STK32B: variants seen among roughly 807,000 people sequenced by gnomAD.
STK32B encodes the protein serine/threonine-protein kinase 32B.
A neutral mutation model predicts 52.6 loss-of-function variants in STK32B; 43 were observed. That is an observed-to-expected ratio of 0.82 (90% CI 0.64 to 1.05). The LOEUF (loss-of-function observed/expected upper bound fraction) is 1.05. STK32B is among the 50% of genes least tolerant of loss of function. The probability of loss-of-function intolerance (pLI) is 0.00; values close to 1 mark genes in which losing one functional copy is unlikely to be tolerated. For synonymous variants in STK32B, 238 were observed against 204.3 expected (o/e 1.17, Z -1.41); for missense variants, 621 against 534.6 (o/e 1.16, Z -1.59).
At chr4:5,179,772 G>A (rs915991898) in intron 3 of STK32B, among the ~76,000 whole-genome samples, 1 of 152,214 alleles carries the variant, frequency 6.6e-6, no homozygotes, top group African/African-American at 2.4e-5. Flanking sequence ...AAGGGAATTG[G>A]CTTTTATAAC....
chr4:5,341,783 T>C (rs551851123), intron 4 of STK32B, among the ~76,000 whole-genome samples: 1 of 151,978 alleles, frequency 6.6e-6, no homozygotes, highest in African/African-American at 2.4e-5. Context: ...TGGTGGAAGG[T>C]AAAGGGGGAG....
At chr4:5,414,279 G>A (rs1181373099) in intron 5 of STK32B, among the ~76,000 whole-genome samples, 1 of 151,644 alleles carries the variant, frequency 6.6e-6, no homozygotes, top group Non-Finnish European at 1.5e-5. Flanking sequence ...AAAATAACGT[G>A]TTTAACACAA....
At position 5,317,236 on chromosome 4, in the gene STK32B, T is replaced by TATATAATATATAACATATAACATATAAC. The variant is rs1560313387; in HGVS notation, c.261-13979_261-13978insATATATAACATATAACATATAACATATA. Among the ~76,000 whole-genome samples the TATATAATATATAACATATAACATATAAC allele has an allele frequency of 1.6e-3, 91 of 56,630 alleles. 14 individuals are homozygous for TATATAATATATAACATATAACATATAAC. The highest frequency in any genetic ancestry group is 0.016 in the South Asian group (24 of 1,514). The allele number at this position is 56,630 out of a possible 152,430, so 37.2% of individuals were successfully genotyped here. On this transcript the variant is annotated intron_variant, in intron 3 of 11. Transcript: ENST00000282908. ...TAACATATATATATTATATATAACATATATATATTATATATAACATATAAC... is the reference window on the plus strand; with the variant it reads ...TAACATATATATATTATATATAACATATATAATATATAACATATAACATATAACATATATATTATATATAACATATAAC...
In STK32B at chr4:5,381,508, C is replaced by A. The variant is rs555588045; in HGVS notation, c.435-16699C>A. On this transcript the variant is annotated intron_variant, in intron 4 of 11. Transcript: ENST00000282908. The stretch of plus-strand genomic sequence containing the variant: ...CAAGGGGCTTTCGATTGAATGAGAT[C>A]ATGCCCGTGCAGTAGCCAGTTCAGT... Among the ~76,000 whole-genome samples the A allele has an allele frequency of 9.2e-5, 14 of 152,334 alleles. No homozygotes were observed. In the South Asian group the frequency reaches 2.9e-3, roughly 32 times the overall value.
At chr4:5,366,942 G>T (rs887275277) in intron 4 of STK32B, among the ~76,000 whole-genome samples, 1 of 152,058 alleles carries the variant, frequency 6.6e-6, no homozygotes, top group East Asian at 1.9e-4. Flanking sequence ...CTCCCATTTA[G>T]CAGCTATGAG....
chr4:5,201,771 C>A (rs752009033), intron 3 of STK32B, among the ~76,000 whole-genome samples: 53 of 152,112 alleles, frequency 3.5e-4, no homozygotes, highest in Middle Eastern at 3.2e-3. Flanking sequence ...ACCATCAGAT[C>A]TCCTAAGAAC....
rs567093574 is a variant in STK32B, at chr4:5,400,734, C to T, written c.472+2490C>T. Among the ~76,000 whole-genome samples, 2 of 152,310 alleles carry T rather than the reference C, an allele frequency of 1.3e-5. No homozygotes were observed. Among genetic ancestry groups the T allele is most frequent in the South Asian group, 4.1e-4 (2 of 4,820 alleles). The stretch of plus-strand genomic sequence containing the variant: ...TTCTATGCCCATGGCCCTCCTTTAC[C>T]TGCTCTTCTGAGGGGAGCTGATCGG... On this transcript the variant is annotated intron_variant, in intron 5 of 11. Transcript: ENST00000282908. This position sits in a 1 kb window ranked among gnomAD's most constrained non-coding sequence, Gnocchi z 6.1.
intron 1 of STK32B, among the ~76,000 whole-genome samples, chr4:5,070,902 A>T (rs1480239866): frequency 6.6e-6 from 1 of 152,154 alleles, no homozygotes; most frequent in East Asian, 1.9e-4. Flanking sequence ...TCCCACAAGA[A>T]GGCGTTCCTA....
At chr4:5,304,709 C>A (rs1195806612) in intron 3 of STK32B, among the ~76,000 whole-genome samples, 1 of 151,978 alleles carries the variant, frequency 6.6e-6, no homozygotes, top group Non-Finnish European at 1.5e-5. Flanking sequence ...GCTAAGACTT[C>A]CAGTACTATG....
At chr4:5,041,017 G>A in the STK32B span, among the ~76,000 whole-genome samples, 4 of 152,278 alleles carry the variant, frequency 2.6e-5, no homozygotes, top group East Asian at 1.9e-4. Flanking sequence ...TGGAGACATC[G>A]TTATGTGTCA....
intron 3 of STK32B, among the ~76,000 whole-genome samples, chr4:5,217,264 AATTT>A (rs1723234465): frequency 6.6e-6 from 1 of 152,186 alleles, no homozygotes; most frequent in Non-Finnish European, 1.5e-5. Flanking sequence ...TGACTGATGT[AATTT>A]AAAGTCCATA....
chr4:5,464,601 A>G (rs1394113186), intron 9 of STK32B, among the ~76,000 whole-genome samples: 2 of 152,190 alleles, frequency 1.3e-5, no homozygotes, highest in African/African-American at 2.4e-5. Context: ...TGAACGAATG[A>G]TGATGGCCAA....
chr4:5,045,904 C>G, the STK32B span, among the ~76,000 whole-genome samples: 1 of 152,170 alleles, frequency 6.6e-6, no homozygotes, highest in Non-Finnish European at 1.5e-5. Flanking sequence ...TTATGTCTTT[C>G]TCTTGCCTGA....
rs1164834890 is a variant in STK32B at position 5,386,459 on chromosome 4, A to T, written c.435-11748A>T. Among the ~76,000 whole-genome samples the T allele has an allele frequency of 6.6e-6, 1 of 152,152 alleles. No homozygotes were observed. The highest frequency in any genetic ancestry group is 1.5e-5 in the Non-Finnish European group (1 of 68,030). On this transcript the variant is annotated intron_variant, in intron 4 of 11. Coordinates refer to ENST00000282908, the MANE Select transcript of STK32B (RefSeq NM_018401.3). This position sits in a 1 kb window ranked among gnomAD's most constrained non-coding sequence, Gnocchi z 4.5. ...TGGTCCAAGAGCACTGGCCATGGAG[A>T]AAGATTGATCCAGACCTGAGCCCAG...
At chr4:5,079,811 A>G (rs1712302872) in intron 1 of STK32B, among the ~76,000 whole-genome samples, 1 of 152,198 alleles carries the variant, frequency 6.6e-6, no homozygotes, top group Non-Finnish European at 1.5e-5. Context: ...GCCATTTGCT[A>G]CAACATGAAT....
In STK32B at chr4:5,473,626, C is replaced by G. The variant is rs556630476; in HGVS notation, c.1106+5556C>G. Among the ~76,000 whole-genome samples, 6 of 152,218 alleles carry G rather than the reference C, an allele frequency of 3.9e-5. No individual in the cohort carries two copies. In the East Asian group the frequency reaches 9.7e-4, roughly 25 times the overall value. The stretch of plus-strand genomic sequence containing the variant: ...CTGGCCATGTACATTAAATGTTGGG[C>G]AAGGAATTGTCACTCTCCCTGTAGA... On this transcript the variant is annotated intron_variant, in intron 11 of 11. Coordinates refer to ENST00000282908, the MANE Select transcript of STK32B (RefSeq NM_018401.3).
At position 5,317,456 on chromosome 4, in the gene STK32B, TA is replaced by T. The variant is rs1204497513; in HGVS notation, c.261-13762del. On this transcript the variant is annotated intron_variant, in intron 3 of 11. Coordinates refer to ENST00000282908, the MANE Select transcript of STK32B (RefSeq NM_018401.3). The stretch of plus-strand genomic sequence containing the variant: ...ATATTACATATATACATAATATATA[TA>T]ATATATATGTATAATATATATATTA... Among the ~76,000 whole-genome samples the T allele has an allele frequency of 6.9e-5, 7 of 100,752 alleles. 1 individual carries two copies. The highest frequency in any genetic ancestry group is 1.7e-4 in the African/African-American group (3 of 17,842). 66.1% of individuals were successfully genotyped at this position (100,752 alleles called of 152,430 possible). A position where few individuals can be genotyped will look rare whatever the true frequency, so the allele number is the denominator to read the frequency against.
At chr4:5,336,455 A>G (rs1297979971) in intron 4 of STK32B, among the ~76,000 whole-genome samples, 1 of 152,152 alleles carries the variant, frequency 6.6e-6, no homozygotes, top group Admixed American at 6.6e-5. Context: ...AAAAAATAAT[A>G]AAGCTTAGGT....
rs73794769 is a variant in STK32B at position 5,077,222 on chromosome 4, A to G, written c.52+25307A>G. 8.8e-3 allele frequency among the ~76,000 whole-genome samples: 1,343 copies of G among 152,292 alleles called. 24 individuals are homozygous for G. Among genetic ancestry groups the G allele is most frequent in the African/African-American group, 0.03 (1,259 of 41,556 alleles). On this transcript the variant is annotated intron_variant, in intron 1 of 11. Transcript: ENST00000282908. ...AGTCTGCTAGTGTACTGTACATTTA[A>G]TATGGTCCCCCATGTCAGTTTACCA...
Sources: gnomAD v4.1 joint callset for allele counts (sites outside exome capture counted in the v4.1 genomes callset) on GRCh38, gnomAD v4.1.1 for gene constraint, Gnocchi (gnomAD v3.1) non-coding constraint, MANE v1.5 for transcripts, NCBI Gene and HGNC (gene_info 2026-07-23, HGNC 2026-07-21) for gene names.